Variants in CASKIN1 observed in about 807,000 individuals in gnomAD.
CASKIN1 encodes the protein CASK interacting protein 1.
CASKIN1 carries 42 observed loss-of-function variants against 117.5 expected under a neutral mutation model. The observed-to-expected ratio is 0.36, with a 90% CI of 0.28 to 0.46. CASKIN1 has a LOEUF of 0.46. CASKIN1 is among the 20% of genes least tolerant of loss of function. The pLI is 1.00. For synonymous variants in CASKIN1, 1,148 were observed against 961.7 expected, an observed-to-expected ratio of 1.19 and a Z score of -3.59; for missense variants, 2,083 against 2,077.3, an observed-to-expected ratio of 1.00 and a Z score of -0.05.
chr16:2,191,007 C>T (rs1227679449), intron 1 of CASKIN1, among the ~76,000 whole-genome samples: 1 of 152,192 alleles, frequency 6.6e-6, no homozygotes, highest in African/African-American at 2.4e-5. Flanking sequence ...CACGCCCTCC[C>T]TTCAGGGCCC....
Position 2,181,185 on chromosome 16 carries a change from AG to A in CASKIN1, c.2182del (p.Leu728SerfsTer77). On this transcript the variant is annotated frameshift_variant, in exon 18 of 20. Coordinates refer to ENST00000343516, the MANE Select transcript of CASKIN1 (RefSeq NM_020764.4). LOFTEE classifies it high-confidence loss of function. The stretch of plus-strand genomic sequence containing the variant: ...GCCGGGGGCGGGGCCCTCATCCAGG[AG>A]GTACTCCTGGCTTCGAGACATGGGG... ...SSPMSRSQEY[L>X]LDEGPAPGTP... is the part of the protein sequence containing the mutation. The A allele has an allele frequency of 6.5e-7, 1 of 1,546,424 alleles. No homozygotes were observed. Among genetic ancestry groups the A allele is most frequent in the Admixed American group, 2.1e-5 (1 of 48,480 alleles).
Position 2,180,166 on chromosome 16 carries a change from C to T in CASKIN1, c.3202G>A (p.Gly1068Arg), listed in dbSNP as rs2093162270. Residue 1068 changes from glycine (G) to arginine (R), a missense_variant, in exon 18 of 20, where the codon GGG becomes AGG. Gly to Arg is a moderately radical substitution (Grantham distance 125). This residue lies in a region of CASKIN1 where 1,818 missense variants were observed against 1,688.9 expected (regional missense o/e 1.08). Transcript: ENST00000343516. ...GTGGCCAGAAGTCCGGTGACTGGCCCGCTGAGCGTGCGGCGCCGGTTCACC... is the reference window on the plus strand; with the variant it reads ...GTGGCCAGAAGTCCGGTGACTGGCCTGCTGAGCGTGCGGCGCCGGTTCACC... ...EVVNRRRTLS[G>R]PVTGLLATAR... The T allele has an allele frequency of 3.9e-6, 6 of 1,552,564 alleles. No individual in the cohort carries two copies. The highest frequency in any genetic ancestry group is 1.4e-5 in the African/African-American group (1 of 73,200).
intron 6 of CASKIN1, among the ~76,000 whole-genome samples, chr16:2,187,940 G>T (rs1206284470): frequency 6.6e-6 from 1 of 151,316 alleles, no homozygotes; most frequent in Non-Finnish European, 1.5e-5. Context: ...CTGGAGTACA[G>T]TGGTGCAGTC....
chr16:2,194,068 T>A (rs1430057696), intron 1 of CASKIN1, among the ~76,000 whole-genome samples: 1 of 152,118 alleles, frequency 6.6e-6, no homozygotes, highest in Non-Finnish European at 1.5e-5. Context: ...CGACCAGCCC[T>A]CTCACTGCTA....
In CASKIN1 at chr16:2,189,681, C is replaced by T. The variant is rs375176564; in HGVS notation, c.245-117G>A. The T allele has an allele frequency of 5.8e-4, 584 of 1,008,368 alleles. 10 individuals carry two copies. In the South Asian group the frequency reaches 8.5e-3, roughly 15 times the overall value. 62.5% of individuals were successfully genotyped at this position (1,008,368 alleles called of 1,614,324 possible). ...AGTCCAACCCTGGGGGGTGGGAGGG[C>T]GCTAGGAGCTGACTTCTGACACCAA... On this transcript the variant is annotated intron_variant, in intron 3 of 19. Coordinates refer to ENST00000343516, the MANE Select transcript of CASKIN1 (RefSeq NM_020764.4).
Position 2,188,956 on chromosome 16 carries a change from G to A in CASKIN1, c.617+71C>T, listed in dbSNP as rs1436400574. 5 of 1,542,814 alleles carry A rather than the reference G, an allele frequency of 3.2e-6. No homozygotes were observed. In the African/African-American group the frequency reaches 6.9e-5, roughly 21 times the overall value. ...CCCTATCCCCAAGCCAGAAGCTGGTGCCCTGAGCCCCAGGCTGCTGCTGAA... is the reference window on the plus strand; with the variant it reads ...CCCTATCCCCAAGCCAGAAGCTGGTACCCTGAGCCCCAGGCTGCTGCTGAA... On this transcript the variant is annotated intron_variant, in intron 6 of 19. Transcript: ENST00000343516.
rs910186896 is a variant in CASKIN1, at chr16:2,177,423, A to T, written c.*1127T>A. On this transcript the variant is annotated 3_prime_UTR_variant, in exon 20 of 20. Coordinates refer to ENST00000343516, the MANE Select transcript of CASKIN1 (RefSeq NM_020764.4). ...ATCGCTGGTTTTCGGCATTTTTTAA[A>T]TTTTTTTTTTAAGAAACGTCAAAGT... 7.6e-5 allele frequency: 17 copies of T among 224,756 alleles called. No individual in the cohort carries two copies. Among genetic ancestry groups the T allele is most frequent in the Admixed American group, 3.4e-4 (6 of 17,392 alleles). 13.9% of individuals were successfully genotyped at this position (224,756 alleles called of 1,614,324 possible).
At position 2,180,417 on chromosome 16, in the gene CASKIN1, C is replaced by G; in HGVS notation, c.2951G>C (p.Arg984Pro). 1 of 1,573,276 alleles carries G rather than the reference C, an allele frequency of 6.4e-7. No homozygotes were observed. The highest frequency in any genetic ancestry group is 8.6e-7 in the Non-Finnish European group (1 of 1,167,004). ...DGLLGVRAQC[R>P]RASDLAGSVD... ...GCTGCCGGCCAGGTCACTGGCCCGC[C>G]GGCACTGTGCCCGGACCCCCAGCAG... The change falls in exon 18 of 20, where the codon CGG (arginine) becomes CCG (proline). Residue 984 changes from arginine to proline, a missense_variant. By Grantham distance (103) the Arg-to-Pro change is moderately radical (BLOSUM62 -2). Transcript: ENST00000343516.
intron 1 of CASKIN1, among the ~76,000 whole-genome samples, chr16:2,191,534 C>T (rs557263476): frequency 1.3e-5 from 2 of 152,312 alleles, no homozygotes; most frequent in Admixed American, 6.5e-5. Flanking sequence ...AGACATAAAG[C>T]GTGCGCGGCC....
chr16:2,183,775 G>C (rs757312680), intron 15 of CASKIN1, 28 bp from the exon 16 acceptor site: 1 of 1,612,528 alleles, frequency 6.2e-7, no homozygotes, highest in African/African-American at 1.3e-5. Context: ...TTGTCAGCTA[G>C]GGGCTGGGCC....
intron 1 of CASKIN1, among the ~76,000 whole-genome samples, chr16:2,194,918 C>T (rs1033784988): frequency 1.3e-5 from 2 of 152,252 alleles, no homozygotes; most frequent in South Asian, 2.1e-4. Context: ...AATGCCTGGG[C>T]TGCAAGTGCC....
In CASKIN1 at chr16:2,181,427, A is replaced by T. The variant is rs1248297020; in HGVS notation, c.1941T>A (p.Pro647=). Residue 647 remains proline, a synonymous_variant, in exon 18 of 20, where the codon CCT becomes CCA. Transcript: ENST00000343516. ...CGCTGTCCTGGAAGGTGGTCATTTT[A>T]GGGGACTGGCAGTCGGCCGGTGTGG... is the stretch of plus-strand genomic sequence containing the variant. ...PEPTPADCQS[P]KMTTFQDSEL... is the part of the protein sequence containing the mutation. The T allele has an allele frequency of 1.2e-6, 2 of 1,612,150 alleles. No individual in the cohort carries two copies. The highest frequency in any genetic ancestry group is 1.7e-6 in the Non-Finnish European group (2 of 1,179,768).
At position 2,180,914 on chromosome 16, in the gene CASKIN1, C is replaced by T; in HGVS notation, c.2454G>A (p.Met818Ile). 6.9e-7 allele frequency: 1 copy of T among 1,457,032 alleles called. No homozygotes were observed. The highest frequency in any genetic ancestry group is 2.9e-5 in the Admixed American group (1 of 34,666). 90.3% of individuals were successfully genotyped at this position (1,457,032 alleles called of 1,614,324 possible). ...PQLLPPTERP[M>I]SPRSLPQSPT... ...GTGACTGAGGCAGGGAGCGGGGTGACATGGGGCGCTCTGTCGGCGGCAGCA... is the reference window on the plus strand; with the variant it reads ...GTGACTGAGGCAGGGAGCGGGGTGATATGGGGCGCTCTGTCGGCGGCAGCA... The change falls in exon 18 of 20, where the codon ATG becomes ATA. Residue 818 changes from methionine (M) to isoleucine (I), a missense_variant. Around this residue, in one of 3 missense-constraint regions of CASKIN1, gnomAD observed 1,818 missense variants for 1,688.9 expected, o/e 1.08. Coordinates refer to ENST00000343516, the MANE Select transcript of CASKIN1 (RefSeq NM_020764.4).
intron 1 of CASKIN1, among the ~76,000 whole-genome samples, chr16:2,192,571 CCT>C (rs921645640): frequency 6.6e-6 from 1 of 152,146 alleles, no homozygotes; most frequent in Admixed American, 6.6e-5. Flanking sequence ...TTCCACATGC[CCT>C]GTGTGCACGT....
At position 2,180,681 on chromosome 16, in the gene CASKIN1, TC is replaced by T; in HGVS notation, c.2686del (p.Asp896ThrfsTer25). 2 of 1,509,056 alleles carry T rather than the reference TC, an allele frequency of 1.3e-6. No homozygotes were observed. Among genetic ancestry groups the T allele is most frequent in the South Asian group, 2.5e-5 (2 of 81,008 alleles). The allele number at this position is 1,509,056 out of a possible 1,614,324, so 93.5% of individuals were successfully genotyped here. A position where few individuals can be genotyped will look rare whatever the true frequency, so the allele number is the denominator to read the frequency against. On this transcript the variant is annotated frameshift_variant, in exon 18 of 20. Transcript: ENST00000343516. LOFTEE classifies it high-confidence loss of function. The stretch of plus-strand genomic sequence containing the variant: ...GGCAGCCGCAGGCACCAGCAGCTCG[TC>T]CCGCTCCGGCTCGCTGTCGGACGCC... ...YAASDSEPER[D>X]ELLVPAAAGP... is the part of the protein sequence containing the mutation.
intron 1 of CASKIN1, among the ~76,000 whole-genome samples, chr16:2,194,076 C>A (rs1046309751): frequency 1.3e-5 from 2 of 152,206 alleles, no homozygotes; most frequent in Non-Finnish European, 2.9e-5. Context: ...CCTCTCACTG[C>A]TATCCTGAGC....
At position 2,180,063 on chromosome 16, in the gene CASKIN1, C is replaced by A. The variant is rs771552272; in HGVS notation, c.3305G>T (p.Gly1102Val). The stretch of plus-strand genomic sequence containing the variant: ...GACACCCGCCTCGCCCTTGGAGGGA[C>A]CCCGAGGCCGCTGCCGGCCAGTGCC... ...EDGTGRQRPRGPSKGEAGVEG... is the reference protein window; with the variant it reads ...EDGTGRQRPRVPSKGEAGVEG... The change falls in exon 18 of 20, where the codon GGT becomes GTT. Residue 1102 changes from glycine (G) to valine (V), a missense_variant. Transcript: ENST00000343516. The A allele has an allele frequency of 1.3e-6, 2 of 1,582,218 alleles. No individual in the cohort carries two copies. Among genetic ancestry groups the A allele is most frequent in the East Asian group, 2.3e-5 (1 of 42,670 alleles).
rs534332229 is a variant in CASKIN1 at position 2,182,297 on chromosome 16, G to C, written c.1630-368C>G. On this transcript the variant is annotated intron_variant, in intron 16 of 19. Transcript: ENST00000343516. The surrounding 1 kb of genome is among the most constrained non-coding windows in gnomAD (Gnocchi z 4.1). ...GGGGCCACACCTGGTACAGGAACAC[G>C]CACATGATTTGCACGCTGCGCTCCC... 6.6e-6 allele frequency among the ~76,000 whole-genome samples: 1 copy of C among 151,928 alleles called. No homozygotes were observed. The highest frequency in any genetic ancestry group is 1.5e-5 in the Non-Finnish European group (1 of 67,978).
At position 2,179,002 on chromosome 16, in the gene CASKIN1, C is replaced by A. The variant is rs2093156348; in HGVS notation, c.4099G>T (p.Asp1367Tyr). 3 of 1,245,816 alleles carry A rather than the reference C, an allele frequency of 2.4e-6. No homozygotes were observed. Among genetic ancestry groups the A allele is most frequent in the South Asian group, 2.9e-5 (1 of 34,338 alleles). The allele number at this position is 1,245,816 out of a possible 1,614,324, so 77.2% of individuals were successfully genotyped here. ...PAPPEGASPG[D>Y]SARQKLEETS... ...TCCTCCAGTTTCTGCCGGGCGCTGT[C>A]CCCTGGCGAGGCGCCTTCGGGCGGG... Residue 1367 changes from aspartate to tyrosine, a missense_variant, in exon 19 of 20, where the codon GAC becomes TAC. Around this residue, in one of 3 missense-constraint regions of CASKIN1, gnomAD observed 1,818 missense variants for 1,688.9 expected, o/e 1.08. Coordinates refer to ENST00000343516, the MANE Select transcript of CASKIN1 (RefSeq NM_020764.4). The surrounding 1 kb of genome is among the most constrained non-coding windows in gnomAD (Gnocchi z 5.8).
Sources: gnomAD v4.1 joint callset for allele counts (sites outside exome capture counted in the v4.1 genomes callset) on GRCh38, gnomAD v4.1.1 for gene constraint, gnomAD v4.1.1 regional missense constraint, Gnocchi (gnomAD v3.1) non-coding constraint, MANE v1.5 for transcripts, NCBI Gene and HGNC (gene_info 2026-07-23, HGNC 2026-07-21) for gene names.